Variants in IL12RB1 observed in about 807,000 individuals in gnomAD.
IL12RB1 encodes the protein interleukin-12 receptor subunit beta-1.
A neutral mutation model predicts 94.4 loss-of-function variants in IL12RB1; 64 were observed. The ratio of observed to expected loss-of-function variants is 0.68; its 90% CI spans 0.55 to 0.83. The LOEUF (loss-of-function observed/expected upper bound fraction) is 0.83. Ranked by LOEUF, IL12RB1 falls within the 40% of genes least tolerant of loss-of-function variation. IL12RB1 has a pLI of 0.00. For synonymous variants in IL12RB1, 362 were observed against 355.5 expected, an observed-to-expected ratio of 1.02 and a Z score of -0.21; for missense variants, 814 against 855.6, an observed-to-expected ratio of 0.95 and a Z score of 0.61.
chr19:18,082,725 G>A (rs1332538300), intron 2 of IL12RB1, among the ~76,000 whole-genome samples: 1 of 152,170 alleles, frequency 6.6e-6, no homozygotes, highest in East Asian at 1.9e-4. Flanking sequence ...ACAAAAGAAT[G>A]GACAGCGTGT....
rs67262412 is a variant in IL12RB1, at chr19:18,063,078, A to ATTTTTT, written c.1618+792_1618+797dup. Reference sequence around the variant, plus strand: ...TCTTTCTTCTCCTTCTTCTTCTTCTATTTTTTTTTTTTTTTTTTTTTTTTT... The same window carrying ATTTTTT: ...TCTTTCTTCTCCTTCTTCTTCTTCTATTTTTTTTTTTTTTTTTTTTTTTTTTTTTTT... On this transcript the variant is annotated intron_variant, in intron 13 of 16. Transcript: ENST00000593993. Among the ~76,000 whole-genome samples, 73 of 51,478 alleles carry ATTTTTT rather than the reference A, an allele frequency of 1.4e-3. 10 individuals are homozygous for ATTTTTT. The highest frequency in any genetic ancestry group is 1.8e-3 in the Non-Finnish European group (58 of 32,752). 33.8% of individuals were successfully genotyped at this position (51,478 alleles called of 152,430 possible).
intron 1 of IL12RB1, among the ~76,000 whole-genome samples, chr19:18,097,602 T>C (rs2037056473): frequency 6.6e-6 from 1 of 152,168 alleles, no homozygotes; most frequent in South Asian, 2.1e-4. Flanking sequence ...ATGCAAAATA[T>C]TTACTTCTGC....
In IL12RB1 at chr19:18,068,374, G is replaced by A. The variant is rs1568493199; in HGVS notation, c.1327+15C>T. 1 of 1,600,692 alleles carries A rather than the reference G, an allele frequency of 6.2e-7. No homozygotes were observed. The highest frequency in any genetic ancestry group is 8.5e-7 in the Non-Finnish European group (1 of 1,172,886). On this transcript the variant is annotated intron_variant, in intron 11 of 16. Coordinates refer to ENST00000593993, the MANE Select transcript of IL12RB1 (RefSeq NM_005535.3). ...AAGAAAAAATAATGTAAACCTGCAGGTTTGGGTCACTTACCATTGCCCCCA... is the reference window on the plus strand; with the variant it reads ...AAGAAAAAATAATGTAAACCTGCAGATTTGGGTCACTTACCATTGCCCCCA...
intron 16 of IL12RB1, 38 bp from the exon 17 acceptor site, chr19:18,059,651 G>A (rs138079162): frequency 9.0e-6 from 7 of 780,314 alleles, no homozygotes; most frequent in Non-Finnish European, 1.7e-5. Context: ...TTCAGGGGGT[G>A]GTTGTAGGGA....
chr19:18,086,219 C>T (rs1160519653), intron 1 of IL12RB1, among the ~76,000 whole-genome samples: 1 of 137,652 alleles, frequency 7.3e-6, no homozygotes, highest in African/African-American at 2.8e-5. Context: ...TGAGACCCTA[C>T]CTCAGTAAAT....
chr19:18,063,076 C>CTTTTTTT (rs1345434373), intron 13 of IL12RB1, among the ~76,000 whole-genome samples: 14 of 75,170 alleles, frequency 1.9e-4, no homozygotes, highest in Non-Finnish European at 2.1e-4. Context: ...TCTTCTTCTT[C>CTTTTTTT]TATTTTTTTT....
chr19:18,072,352 G>A lies in IL12RB1; in HGVS notation c.784-3C>T, dbSNP rs767399511. ...TCTGGAAGCTCCAGCTGGGTTGGCT[G>A]TCAGGAGTATGAAAGACAGCTTGTG... On this transcript the variant is annotated splice_region_variant and splice_polypyrimidine_tract_variant and intron_variant, in intron 8 of 16. Coordinates refer to ENST00000593993, the MANE Select transcript of IL12RB1 (RefSeq NM_005535.3). The A allele has an allele frequency of 1.9e-6, 3 of 1,605,306 alleles. No homozygotes were observed. Among genetic ancestry groups the A allele is most frequent in the East Asian group, 2.2e-5 (1 of 44,832 alleles).
At position 18,060,195 on chromosome 19, in the gene IL12RB1, C is replaced by G. The variant is rs2034023857; in HGVS notation, c.1792-110G>C. On this transcript the variant is annotated intron_variant, in intron 15 of 16. Coordinates refer to ENST00000593993, the MANE Select transcript of IL12RB1 (RefSeq NM_005535.3). ...GTTAAATTCTCTAACATCCTGAGAC[C>G]TGGACGGGTGCAGTGGCTCACACCT... 6 of 650,406 alleles carry G rather than the reference C, an allele frequency of 9.2e-6. No homozygotes were observed. In the South Asian group the frequency reaches 1.1e-4, roughly 12 times the overall value. The allele number at this position is 650,406 out of a possible 1,614,324, so 40.3% of individuals were successfully genotyped here.
At position 18,069,638 on chromosome 19, in the gene IL12RB1, G is replaced by C; in HGVS notation, c.1097C>G (p.Thr366Arg). ...MYWPARAQSM[T>R]YCIEWQPVGQ... Reference sequence around the variant, plus strand: ...CACAGGCTGCCATTCAATGCAATACGTCATGCTCTGAGCCCGGGCTGGCCA... The same window carrying C: ...CACAGGCTGCCATTCAATGCAATACCTCATGCTCTGAGCCCGGGCTGGCCA... The change falls in exon 10 of 17, where the codon ACG becomes AGG. Residue 366 changes from threonine to arginine, a missense_variant. Physicochemically the swap from Thr to Arg is moderately conservative, Grantham distance 71. Transcript: ENST00000593993. 6.2e-7 allele frequency: 1 copy of C among 1,613,246 alleles called. No homozygotes were observed. Among genetic ancestry groups the C allele is most frequent in the Non-Finnish European group, 8.5e-7 (1 of 1,179,530 alleles).
rs1285674672 is a variant in IL12RB1, at chr19:18,064,005, G to A, written c.1489C>T (p.Pro497Ser). 2.5e-6 allele frequency: 4 copies of A among 1,611,854 alleles called. No individual in the cohort carries two copies. Among genetic ancestry groups the A allele is most frequent in the African/African-American group, 1.3e-5 (1 of 74,868 alleles). ...ACTTGGGTCTCTGTGGGCTGCACGG[G>A]ATGCTCTGCAGTGGGAGAGGCAACC... Reference protein sequence around the residue: ...DEDSKQVSEHPVQPTETQVTL... With the variant: ...DEDSKQVSEHSVQPTETQVTL... The change falls in exon 13 of 17, where the codon CCC becomes TCC. Residue 497 changes from proline to serine, a missense_variant. Pro to Ser is a moderately conservative substitution (Grantham distance 74, BLOSUM62 -1). Transcript: ENST00000593993.
intron 10 of IL12RB1, 34 bp from the exon 11 acceptor site, chr19:18,068,560 A>T: frequency 6.3e-7 from 1 of 1,598,484 alleles, no homozygotes; most frequent in Non-Finnish European, 8.6e-7. Flanking sequence ...GCCATTCAGT[A>T]GATTGTGTTC....
At chr19:18,096,440 G>T (rs931982166) in intron 1 of IL12RB1, among the ~76,000 whole-genome samples, 1 of 152,074 alleles carries the variant, frequency 6.6e-6, no homozygotes, top group Non-Finnish European at 1.5e-5. Flanking sequence ...ACCTGCTTTT[G>T]TAAGTAAAGT....
chr19:18,075,252 C>CTTT lies in IL12RB1; in HGVS notation c.700+494_700+496dup, dbSNP rs71164363. Among the ~76,000 whole-genome samples, 249 of 132,948 alleles carry CTTT rather than the reference C, an allele frequency of 1.9e-3. 1 individual carries two copies. Among genetic ancestry groups the CTTT allele is most frequent in the African/African-American group, 6.4e-3 (234 of 36,738 alleles). 87.2% of individuals were successfully genotyped at this position (132,948 alleles called of 152,430 possible). On this transcript the variant is annotated intron_variant, in intron 7 of 16. Coordinates refer to ENST00000593993, the MANE Select transcript of IL12RB1 (RefSeq NM_005535.3). The stretch of plus-strand genomic sequence containing the variant: ...CTTTTTCCATTTTATTTTATTATTA[C>CTTT]TTTTTTTTTTTTTTTTACTTTTTTT...
intron 9 of IL12RB1, among the ~76,000 whole-genome samples, 153 bp downstream of exon 9, chr19:18,071,959 C>T (rs1204666806): frequency 6.6e-6 from 1 of 152,182 alleles, no homozygotes; most frequent in African/African-American, 2.4e-5. Context: ...GCCACCGTGC[C>T]TGGCTGATTA....
intron 9 of IL12RB1, 124 bp from the exon 10 acceptor site, chr19:18,069,837 T>TATAGAC: frequency 1.8e-5 from 13 of 716,802 alleles, no homozygotes; most frequent in South Asian, 4.8e-5. Flanking sequence ...GGGCCAGGGG[T>TATAGAC]GTCTGTGTTT....
At position 18,080,035 on chromosome 19, in the gene IL12RB1, A is replaced by ATTCTT. The variant is rs1178543655; in HGVS notation, c.409+792_409+796dup. Among the ~76,000 whole-genome samples, 14 of 151,646 alleles carry ATTCTT rather than the reference A, an allele frequency of 9.2e-5. No homozygotes were observed. In the East Asian group the frequency reaches 2.7e-3, roughly 29 times the overall value. Reference sequence around the variant, plus strand: ...TGTGGCAAATGACATGTTTTCCTTCATTCTTTTCTTTTCTTTTTTCTTTTT... The same window carrying ATTCTT: ...TGTGGCAAATGACATGTTTTCCTTCATTCTTTTCTTTTCTTTTCTTTTTTCTTTTT... On this transcript the variant is annotated intron_variant, in intron 4 of 16. Coordinates refer to ENST00000593993, the MANE Select transcript of IL12RB1 (RefSeq NM_005535.3).
chr19:18,086,223 A>G (rs2036324944), intron 1 of IL12RB1, among the ~76,000 whole-genome samples: 2 of 116,442 alleles, frequency 1.7e-5, no homozygotes, highest in South Asian at 5.9e-4. Flanking sequence ...ACCCTACCTC[A>G]GTAAATAAAT....
chr19:18,086,761 G>T lies in IL12RB1; in HGVS notation c.63C>A (p.Gly21=). ...LLFLFLLSRQ[G]AACRTSECCF... ...CCATGCCAGGGTCAGGGGACTCACCGCCCTGCCTGGACAGCAGGAAGAGGA... is the reference window on the plus strand; with the variant it reads ...CCATGCCAGGGTCAGGGGACTCACCTCCCTGCCTGGACAGCAGGAAGAGGA... The change falls in exon 1 of 17, where the codon GGC becomes GGA. Residue 21 remains glycine, a splice_region_variant and synonymous_variant. Transcript: ENST00000593993. 1 of 1,609,384 alleles carries T rather than the reference G, an allele frequency of 6.2e-7. No individual in the cohort carries two copies. The highest frequency in any genetic ancestry group is 8.5e-7 in the Non-Finnish European group (1 of 1,178,168).
intron 7 of IL12RB1, among the ~76,000 whole-genome samples, chr19:18,075,084 C>T (rs2146300135): frequency 6.6e-6 from 1 of 151,194 alleles, no homozygotes; most frequent in East Asian, 2.0e-4. Context: ...AACAAACAAA[C>T]AAACAAAAAA....
Sources: gnomAD v4.1 joint callset for allele counts (sites outside exome capture counted in the v4.1 genomes callset) on GRCh38, gnomAD v4.1.1 for gene constraint, MANE v1.5 for transcripts, NCBI Gene and HGNC (gene_info 2026-07-23, HGNC 2026-07-21) for gene names.